SRGAP3: variants seen among roughly 807,000 people sequenced by gnomAD.
The protein encoded by SRGAP3 is SLIT-ROBO Rho GTPase-activating protein 3.
SRGAP3 carries 39 observed loss-of-function variants against 121.1 expected under a neutral mutation model. That is an observed-to-expected ratio of 0.32 (90% CI 0.25 to 0.42). The LOEUF is 0.42. Among genes scored for constraint, SRGAP3 ranks in the 10% least tolerant of loss-of-function variants. The pLI is 1.00. For missense variants in SRGAP3, 1,213 were observed against 1,470.6 expected (o/e 0.82, Z 2.86); for synonymous variants, 601 against 570.0 (o/e 1.05, Z -0.77).
chr3:9,104,625 C>T, intron 3 of SRGAP3, 55 bp downstream of exon 3: 2 of 1,609,058 alleles, frequency 1.2e-6, no homozygotes, highest in Non-Finnish European at 1.7e-6. Flanking sequence ...ATACTGTTAC[C>T]ATGGGCCAGC....
intron 5 of SRGAP3, among the ~76,000 whole-genome samples, chr3:9,061,739 A>G (rs1946181559): frequency 6.6e-6 from 1 of 151,950 alleles, no homozygotes; most frequent in African/African-American, 2.4e-5. Context: ...GACAGGAGGG[A>G]GGGAGGATGA....
Position 9,080,154 on chromosome 3 carries a change from CA to C in SRGAP3, c.424-68del, listed in dbSNP as rs935676031. On this transcript the variant is annotated intron_variant, in intron 3 of 21. Coordinates refer to ENST00000383836, the MANE Select transcript of SRGAP3 (RefSeq NM_014850.4). ...CTGGCTACATTTACCAATCTCTTTT[CA>C]AAAGCGAAAGGTCAGGAATGTTTCG... 33 of 1,555,612 alleles carry C rather than the reference CA, an allele frequency of 2.1e-5. No individual in the cohort carries two copies. The African/African-American group carries it at 3.0e-4, about 14-fold the overall frequency.
rs189772630 is a variant in SRGAP3, at chr3:9,310,777, T to A, written n.442+15233A>T. Among the ~76,000 whole-genome samples, 54 of 152,312 alleles carry A rather than the reference T, an allele frequency of 3.5e-4. No homozygotes were observed. The South Asian group carries it at 3.9e-3, about 11-fold the overall frequency. ...CTCAAACCTCACCTGAAACTAGTCCTAAACCTAACTTTTCAATTATAGAAG... is the reference window on the plus strand; with the variant it reads ...CTCAAACCTCACCTGAAACTAGTCCAAAACCTAACTTTTCAATTATAGAAG... On this transcript the variant is annotated intron_variant and non_coding_transcript_variant, in intron 3 of 3. Transcript: ENST00000490889.
chr3:9,013,968 G>A (rs1018652316), intron 15 of SRGAP3, 126 bp from the exon 16 acceptor site: 2 of 844,978 alleles, frequency 2.4e-6, no homozygotes, highest in African/African-American at 1.7e-5. Flanking sequence ...CTTGATTCCA[G>A]GGATCACAGG....
chr3:9,190,318 C>T (rs1951711813), intron 1 of SRGAP3, among the ~76,000 whole-genome samples: 1 of 152,148 alleles, frequency 6.6e-6, no homozygotes. Flanking sequence ...ACAGGAAGCA[C>T]CAGTGAGTGA....
rs74925950 is a variant in SRGAP3 at position 9,010,473 on chromosome 3, C to A, written c.2148-86G>T. The A allele has an allele frequency of 4.0e-4, 574 of 1,450,970 alleles. 1 individual carries two copies. The African/African-American group carries it at 7.3e-3, about 18-fold the overall frequency. 89.9% of individuals were successfully genotyped at this position (1,450,970 alleles called of 1,614,324 possible). On this transcript the variant is annotated intron_variant, in intron 17 of 21. Transcript: ENST00000383836. Reference sequence around the variant, plus strand: ...CAGCCTCTCATGCCAGTCCAGTTGGCCTCTGGGCCCTCCCGCAGCTCAGAT... The same window carrying A: ...CAGCCTCTCATGCCAGTCCAGTTGGACTCTGGGCCCTCCCGCAGCTCAGAT...
chr3:9,150,805 T>C (rs1950186462), intron 1 of SRGAP3, among the ~76,000 whole-genome samples: 1 of 152,182 alleles, frequency 6.6e-6, no homozygotes, highest in African/African-American at 2.4e-5. Flanking sequence ...ATTCATTCAT[T>C]TATCCATTCA....
intron 3 of SRGAP3, among the ~76,000 whole-genome samples, chr3:9,301,544 C>G (rs2125274792): frequency 6.6e-6 from 1 of 152,332 alleles, no homozygotes; most frequent in African/African-American, 2.4e-5. Context: ...AAATCTCACT[C>G]TACAGACCAT....
chr3:9,352,569 T>A (rs2030247195), intron 1 of SRGAP3, among the ~76,000 whole-genome samples: 1 of 152,204 alleles, frequency 6.6e-6, no homozygotes, highest in Admixed American at 6.5e-5. Context: ...CCACCATGCC[T>A]GGCCTCATGG....
At chr3:9,127,904 T>TGAAAA (rs1050469633) in intron 1 of SRGAP3, among the ~76,000 whole-genome samples, 30 of 134,932 alleles carry the variant, frequency 2.2e-4, no homozygotes, top group East Asian at 6.3e-4. Flanking sequence ...ACTCCTGTAA[T>TGAAAA]GAAAAGAAAA....
At chr3:9,057,855 G>C (rs908697729) in intron 7 of SRGAP3, among the ~76,000 whole-genome samples, 20 of 152,358 alleles carry the variant, frequency 1.3e-4, no homozygotes, top group African/African-American at 4.8e-4. Context: ...AAGGCTTGCA[G>C]TGTTGGAGGA....
chr3:9,194,787 T>C (rs1951869180), intron 1 of SRGAP3, among the ~76,000 whole-genome samples: 1 of 152,192 alleles, frequency 6.6e-6, no homozygotes, highest in South Asian at 2.1e-4. Flanking sequence ...AGTCAGGACG[T>C]GAATAAAATT....
chr3:9,124,688 G>T, intron 2 of SRGAP3, 37 bp downstream of exon 2: 1 of 1,612,674 alleles, frequency 6.2e-7, no homozygotes. Context: ...CCCCAGTGCT[G>T]CCTCCCATCT....
At chr3:9,158,664 GA>G (rs1471775904) in intron 1 of SRGAP3, among the ~76,000 whole-genome samples, 1 of 152,190 alleles carries the variant, frequency 6.6e-6, no homozygotes, top group Admixed American at 6.5e-5. Context: ...AGAAATTTAA[GA>G]AGCTATTCTC....
At position 9,013,421 on chromosome 3, in the gene SRGAP3, G is replaced by A. The variant is rs1943469856; in HGVS notation, c.2034C>T (p.His678=). 6.2e-7 allele frequency: 1 copy of A among 1,614,140 alleles called. No homozygotes were observed. Among genetic ancestry groups the A allele is most frequent in the African/African-American group, 1.3e-5 (1 of 75,032 alleles). ...TGATGGTTTTGATGACTTCATTGAT[G>A]TGTGCCTGGCAGGACACAGGGTCCT... The part of the protein sequence containing the change: ...DGQDPVSCQA[H]INEVIKTIII... Residue 678 remains histidine, a synonymous_variant, in exon 17 of 22, where the codon CAC becomes CAT. Transcript: ENST00000383836.
chr3:8,990,883 G>C (rs1393793078), intron 20 of SRGAP3, 44 bp from the exon 21 acceptor site: 2 of 1,453,792 alleles, frequency 1.4e-6, no homozygotes, highest in Non-Finnish European at 1.8e-6. Flanking sequence ...CAGAGGTCAA[G>C]CCTGGCAAGT....
chr3:9,277,114 T>C (rs1213267268), intron 3 of SRGAP3, among the ~76,000 whole-genome samples: 2 of 152,204 alleles, frequency 1.3e-5, no homozygotes, highest in African/African-American at 4.8e-5. Context: ...GTTAAGTGAG[T>C]CAATACATGT....
chr3:9,342,833 G>A (rs1378536448), intron 1 of SRGAP3, among the ~76,000 whole-genome samples: 3 of 152,240 alleles, frequency 2.0e-5, no homozygotes, highest in African/African-American at 4.8e-5. Flanking sequence ...CCTCCAGAGT[G>A]TACTCATTCG....
At chr3:9,093,473 C>T (rs1175237084) in intron 3 of SRGAP3, among the ~76,000 whole-genome samples, 2 of 152,110 alleles carry the variant, frequency 1.3e-5, no homozygotes, top group Non-Finnish European at 2.9e-5. Context: ...TTTCATCCAT[C>T]CATCTACCCA....
Sources: allele counts gnomAD v4.1 joint callset (sites outside exome capture counted in the v4.1 genomes callset), GRCh38; gene constraint gnomAD v4.1.1; transcripts MANE v1.5; gene names NCBI Gene and HGNC (gene_info 2026-07-23, HGNC 2026-07-21).